The following TRAF3IP2 variants were observed in gnomAD, a reference collection of about 807,000 sequenced individuals.
The protein encoded by TRAF3IP2 is TRAF3 interacting protein 2.
Under a neutral mutation model 57.9 loss-of-function variants are expected in TRAF3IP2, and 35 were observed. That is an observed-to-expected ratio of 0.60 (90% CI 0.46 to 0.80). The LOEUF (loss-of-function observed/expected upper bound fraction) is 0.80, where lower values mean the gene tolerates loss of function less well. Ranked by LOEUF, TRAF3IP2 falls within the 30% of genes least tolerant of loss-of-function variation. TRAF3IP2 has a pLI of 0.00. For synonymous variants in TRAF3IP2, 251 were observed against 268.9 expected, an observed-to-expected ratio of 0.93 and a Z score of 0.65; for missense variants, 556 against 706.4, an observed-to-expected ratio of 0.79 and a Z score of 2.41.
chr6:111,560,909 G>A (rs1402157291), intron 8 of TRAF3IP2, among the ~76,000 whole-genome samples: 2 of 152,190 alleles, frequency 1.3e-5, no homozygotes, highest in Non-Finnish European at 2.9e-5. Context: ...AGGGCAGGGC[G>A]CAGTGGCTCA....
chr6:111,575,539 G>A, intron 4 of TRAF3IP2, 104 bp downstream of exon 4: 2 of 1,311,524 alleles, frequency 1.5e-6, no homozygotes. Context: ...AGTGAGCTGA[G>A]ATCGCACCAC....
intron 3 of TRAF3IP2, among the ~76,000 whole-genome samples, chr6:111,579,039 T>A (rs1304091312): frequency 1.3e-5 from 2 of 151,674 alleles, no homozygotes; most frequent in African/African-American, 4.8e-5. Flanking sequence ...GGAAAAAAAA[T>A]GATTAAAGAG....
chr6:111,591,918 A>G lies in TRAF3IP2; in HGVS notation c.169T>C (p.Ser57Pro), dbSNP rs754326983. 4.9e-5 allele frequency: 79 copies of G among 1,614,096 alleles called. No individual in the cohort carries two copies. In the East Asian group the frequency reaches 1.6e-3, roughly 33 times the overall value. ...GAGTGAGCTTGAGAAAAGTCTCCGG[A>G]GGAATTGTGAAGCATTGTGGGTGCA... Reference protein sequence around the residue: ...LSAPTMLHNSSGDFSQAHSTL... With the variant: ...LSAPTMLHNSPGDFSQAHSTL... Residue 57 changes from serine (S) to proline (P), a missense_variant, in exon 2 of 9, where the codon TCC (serine) becomes CCC (proline). Ser to Pro is a moderately conservative substitution (Grantham distance 74). Transcript: ENST00000368761. The surrounding 1 kb of genome is among the most constrained non-coding windows in gnomAD (Gnocchi z 4.9).
At chr6:111,570,726 A>G (rs1171144761) in intron 5 of TRAF3IP2, among the ~76,000 whole-genome samples, 1 of 152,134 alleles carries the variant, frequency 6.6e-6, no homozygotes, top group Non-Finnish European at 1.5e-5. Context: ...TGCTGGCCTT[A>G]TGTCTTAGTA....
intron 1 of TRAF3IP2, among the ~76,000 whole-genome samples, chr6:111,604,353 C>A (rs1796961373): frequency 6.6e-6 from 1 of 152,190 alleles, no homozygotes; most frequent in Non-Finnish European, 1.5e-5. Context: ...CTTCCCCTCC[C>A]ATTAAAGGCC....
intron 1 of TRAF3IP2, chr6:111,594,411 G>A: frequency 2.6e-6 from 1 of 387,874 alleles, no homozygotes; most frequent in East Asian, 7.9e-5. Flanking sequence ...TCACTCTTCA[G>A]GTACAACTAT....
intron 5 of TRAF3IP2, among the ~76,000 whole-genome samples, chr6:111,568,004 G>T (rs1260726585): frequency 6.6e-6 from 1 of 152,108 alleles, no homozygotes; most frequent in Non-Finnish European, 1.5e-5. Flanking sequence ...CCACTAAGTT[G>T]GATATAAGCC....
chr6:111,559,315 C>T lies in TRAF3IP2; in HGVS notation c.*90G>A. ...CGGGGAGGAACAGAAAAAAACCAGC[C>T]AGGAGTGCTACCGACCAGCCTCAGC... On this transcript the variant is annotated 3_prime_UTR_variant, in exon 9 of 9. Coordinates refer to ENST00000368761, the MANE Select transcript of TRAF3IP2 (RefSeq NM_147686.4). 6.6e-7 allele frequency: 1 copy of T among 1,522,636 alleles called. No homozygotes were observed. Among genetic ancestry groups the T allele is most frequent in the South Asian group, 1.3e-5 (1 of 77,066 alleles). The allele number at this position is 1,522,636 out of a possible 1,614,324, so 94.3% of individuals were successfully genotyped here.
chr6:111,581,044 A>C (rs1435281318), intron 2 of TRAF3IP2, among the ~76,000 whole-genome samples: 4 of 152,238 alleles, frequency 2.6e-5, no homozygotes, highest in African/African-American at 4.8e-5. Context: ...GAGCAAAGCC[A>C]GAGCTGGCAG....
In TRAF3IP2 at chr6:111,574,112, C is replaced by G. The variant is rs576521096; in HGVS notation, c.1202-1129G>C. 2.0e-5 allele frequency: 3 copies of G among 152,286 alleles called. 1 individual carries two copies. In the East Asian group the frequency reaches 5.8e-4, roughly 29 times the overall value. The allele number at this position is 152,286 out of a possible 1,614,324, so 9.4% of individuals were successfully genotyped here. On this transcript the variant is annotated intron_variant, in intron 4 of 8. Transcript: ENST00000368761. ...CAGGACTATAATGTATGTGGGGCAG[C>G]ATCTGTTCTCCAGAAATGCTCAAAA...
Position 111,591,957 on chromosome 6 carries a change from G to A in TRAF3IP2, c.130C>T (p.Pro44Ser). The change falls in exon 2 of 9, where the codon CCC (proline) becomes TCC (serine). Residue 44 changes from proline (P) to serine (S), a missense_variant. Transcript: ENST00000368761. The surrounding 1 kb of genome is among the most constrained non-coding windows in gnomAD (Gnocchi z 4.9). Reference sequence around the variant, plus strand: ...ATTGTGGGTGCAGACAAGCTGTTGGGTGCCATGTTCCTTATATTTGGAGCA... The same window carrying A: ...ATTGTGGGTGCAGACAAGCTGTTGGATGCCATGTTCCTTATATTTGGAGCA... The part of the protein sequence containing the change: ...PPAPNIRNMA[P>S]NSLSAPTMLH... The A allele has an allele frequency of 1.2e-6, 2 of 1,614,210 alleles. No homozygotes were observed. The highest frequency in any genetic ancestry group is 1.7e-6 in the Non-Finnish European group (2 of 1,180,048).
intron 1 of TRAF3IP2, among the ~76,000 whole-genome samples, chr6:111,599,170 A>G (rs538417058): frequency 6.6e-6 from 1 of 151,536 alleles, no homozygotes; most frequent in East Asian, 1.9e-4. Flanking sequence ...GTCCTTCCAA[A>G]GTGCTGAGAT....
At chr6:111,562,727 C>T (rs76557459) in intron 8 of TRAF3IP2, among the ~76,000 whole-genome samples, 3,098 of 152,038 alleles carry the variant, frequency 0.02, 58 homozygotes, top group Admixed American at 0.061. Flanking sequence ...GACCTGTAAT[C>T]CCAGCTACTT....
intron 8 of TRAF3IP2, 94 bp downstream of exon 8, chr6:111,562,871 A>C: frequency 1.0e-6 from 1 of 1,004,944 alleles, no homozygotes; most frequent in South Asian, 1.5e-5. Context: ...AAAAGAAAGA[A>C]AAAAAGAATG....
chr6:111,565,918 G>T (rs1795621148), intron 7 of TRAF3IP2, among the ~76,000 whole-genome samples: 1 of 152,080 alleles, frequency 6.6e-6, no homozygotes, highest in Non-Finnish European at 1.5e-5. Context: ...GACCCATTTT[G>T]TGAATAGGGA....
chr6:111,598,106 C>T (rs1796754061), intron 1 of TRAF3IP2: 1 of 341,268 alleles, frequency 2.9e-6, no homozygotes, highest in Admixed American at 4.1e-5. Flanking sequence ...GAGTTCCTGG[C>T]TCAGAACCCC....
chr6:111,605,418 T>C (rs575279629), intron 1 of TRAF3IP2, among the ~76,000 whole-genome samples: 1 of 152,362 alleles, frequency 6.6e-6, no homozygotes, highest in East Asian at 1.9e-4. Context: ...TGGCTCTCTC[T>C]TTGGAGAAGT....
intron 5 of TRAF3IP2, among the ~76,000 whole-genome samples, chr6:111,571,144 C>T (rs188438183): frequency 6.7e-5 from 10 of 149,906 alleles, no homozygotes; most frequent in Admixed American, 4.6e-4. Flanking sequence ...GGCGAGATCT[C>T]GGCTCACTGC....
Position 111,591,382 on chromosome 6 carries a change from C to G in TRAF3IP2, c.705G>C (p.Glu235Asp). 1 of 1,544,554 alleles carries G rather than the reference C, an allele frequency of 6.5e-7. No homozygotes were observed. Among genetic ancestry groups the G allele is most frequent in the Non-Finnish European group, 8.7e-7 (1 of 1,149,162 alleles). The change falls in exon 2 of 9, where the codon GAG (glutamate) becomes GAC (aspartate). Residue 235 changes from glutamate to aspartate, a missense_variant. Glu to Asp is a conservative substitution (Grantham distance 45). Transcript: ENST00000368761. This position sits in a 1 kb window ranked among gnomAD's most constrained non-coding sequence, Gnocchi z 4.9. Reference protein sequence around the residue: ...QDLPRPLRSREFPQFEPQRYP... With the variant: ...QDLPRPLRSRDFPQFEPQRYP... ...ACCTCTGAGGTTCAAACTGAGGGAA[C>G]TCCCTGGACCTGAGAGGTCTGGGGA... is the stretch of plus-strand genomic sequence containing the variant.
Sources: gnomAD v4.1 joint callset for allele counts (sites outside exome capture counted in the v4.1 genomes callset) on GRCh38, gnomAD v4.1.1 for gene constraint, Gnocchi (gnomAD v3.1) non-coding constraint, MANE v1.5 for transcripts, NCBI Gene and HGNC (gene_info 2026-07-23, HGNC 2026-07-21) for gene names.